Variants in ZZEF1 observed in about 807,000 individuals in gnomAD.
The protein encoded by ZZEF1 is zinc finger ZZ-type and EF-hand domain containing 1.
In ZZEF1, 157 loss-of-function variants were observed where a neutral mutation model predicts 342.8. That is an observed-to-expected ratio of 0.46 (90% CI 0.40 to 0.52). The LOEUF (loss-of-function observed/expected upper bound fraction) is 0.52, where lower values mean the gene tolerates loss of function less well. ZZEF1 is among the 20% of genes least tolerant of loss of function. The pLI is 0.00. For missense variants in ZZEF1, 3,480 were observed against 3,725.6 expected (o/e 0.93, Z 1.72); for synonymous variants, 1,505 against 1,429.1 (o/e 1.05, Z -1.20).
In ZZEF1 at chr17:4,121,324, C is replaced by A. The variant is rs548391151; in HGVS notation, c.499+2583G>T. ...TAGTATGTAAACGCTAAGATAAAAG[C>A]TAGCTAAAGATAATTCAGGCCGGGT... is the stretch of plus-strand genomic sequence containing the variant. On this transcript the variant is annotated intron_variant, in intron 2 of 54. Transcript: ENST00000381638. 3.9e-5 allele frequency among the ~76,000 whole-genome samples: 6 copies of A among 152,286 alleles called. No individual in the cohort carries two copies. The East Asian group carries it at 1.2e-3, about 29-fold the overall frequency.
chr17:4,124,834 A>C (rs905257098), intron 1 of ZZEF1, among the ~76,000 whole-genome samples: 1 of 151,966 alleles, frequency 6.6e-6, no homozygotes, highest in Non-Finnish European at 1.5e-5. Context: ...ACTAACCTTT[A>C]ATTGTAATCT....
chr17:4,023,770 T>C (rs1176266679), intron 43 of ZZEF1, among the ~76,000 whole-genome samples: 2 of 152,036 alleles, frequency 1.3e-5, no homozygotes, highest in Non-Finnish European at 2.9e-5. Flanking sequence ...CATTTGAGGC[T>C]GCAGTGAGCC....
At chr17:4,010,864 G>A (rs183886415) in intron 52 of ZZEF1, among the ~76,000 whole-genome samples, 4 of 152,098 alleles carry the variant, frequency 2.6e-5, no homozygotes. Flanking sequence ...AACAAAAGAT[G>A]CCACCAGCAG....
intron 49 of ZZEF1, among the ~76,000 whole-genome samples, chr17:4,015,905 TG>T (rs2056087790): frequency 6.6e-6 from 1 of 152,180 alleles, no homozygotes; most frequent in African/African-American, 2.4e-5. Flanking sequence ...GATTCAGTTC[TG>T]GGAAATTTTA....
chr17:4,007,514 G>C (rs181498849), intron 54 of ZZEF1, among the ~76,000 whole-genome samples: 11 of 152,310 alleles, frequency 7.2e-5, no homozygotes, highest in East Asian at 1.9e-4. Flanking sequence ...GCTGTGGGGG[G>C]GGTCAGAAGA....
At chr17:4,083,143 C>G (rs2057755204) in intron 16 of ZZEF1, among the ~76,000 whole-genome samples, 3 of 152,162 alleles carry the variant, frequency 2.0e-5, no homozygotes, top group African/African-American at 7.2e-5. Context: ...GGTATGGTAT[C>G]CGAAGATACT....
intron 44 of ZZEF1, 163 bp downstream of exon 44, chr17:4,022,546 A>C: frequency 1.1e-6 from 1 of 923,948 alleles, no homozygotes. Flanking sequence ...CAGGTGTCAT[A>C]ATCCCTATTT....
intron 19 of ZZEF1, 135 bp from the exon 20 acceptor site, chr17:4,077,124 G>A (rs917699054): frequency 1.3e-6 from 1 of 783,118 alleles, no homozygotes; most frequent in Non-Finnish European, 1.8e-6. Context: ...AGGCCAGCAA[G>A]TGCCGTCCTA....
chr17:4,022,597 A>G, intron 44 of ZZEF1, 112 bp downstream of exon 44: 1 of 1,499,640 alleles, frequency 6.7e-7, no homozygotes, highest in Non-Finnish European at 9.2e-7. Context: ...TCAACACTGT[A>G]CTAAAGGAGT....
chr17:4,098,975 T>C lies in ZZEF1; in HGVS notation c.1673-2275A>G, dbSNP rs531062479. Among the ~76,000 whole-genome samples, 4 of 152,346 alleles carry C rather than the reference T, an allele frequency of 2.6e-5. No individual in the cohort carries two copies. In the South Asian group the frequency reaches 8.3e-4, roughly 32 times the overall value. The stretch of plus-strand genomic sequence containing the variant: ...TGGATGTCTCTATGTAAAAGAAATC[T>C]ATGTAAAGGCTAAACTATTGTCTAA... On this transcript the variant is annotated intron_variant, in intron 9 of 54. Transcript: ENST00000381638.
intron 1 of ZZEF1, among the ~76,000 whole-genome samples, chr17:4,125,880 C>T (rs114990165): frequency 0.013 from 2,015 of 152,172 alleles, 51 homozygotes; most frequent in African/African-American, 0.047. Context: ...GGATAGAAGA[C>T]AGAGGGAAAT....
At chr17:4,009,137 C>T (rs186719143) in intron 53 of ZZEF1, 183 bp from the exon 54 acceptor site, 27 of 724,258 alleles carry the variant, frequency 3.7e-5, no homozygotes, top group Admixed American at 5.8e-5. Flanking sequence ...TGCCCGGTGC[C>T]GGGGTCACCT....
chr17:4,016,730 G>T lies in ZZEF1; in HGVS notation c.8002-264C>A. 2.6e-6 allele frequency: 1 copy of T among 380,514 alleles called. No individual in the cohort carries two copies. The highest frequency in any genetic ancestry group is 4.7e-6 in the Non-Finnish European group (1 of 212,148). 23.6% of individuals were successfully genotyped at this position (380,514 alleles called of 1,614,324 possible). ...AGAACTAACTGAACCAATCATAAAG[G>T]GTCCTGGTCCTTGAAGGAGTCCCCA... On this transcript the variant is annotated intron_variant, in intron 48 of 54. Transcript: ENST00000381638. This position sits in a 1 kb window ranked among gnomAD's most constrained non-coding sequence, Gnocchi z 4.4.
chr17:4,051,239 C>G (rs1049627513), intron 35 of ZZEF1, among the ~76,000 whole-genome samples, 196 bp from the exon 36 acceptor site: 1 of 152,124 alleles, frequency 6.6e-6, no homozygotes, highest in Non-Finnish European at 1.5e-5. Context: ...CAGAACATGC[C>G]TTTCAGGGTT....
rs542101707 is a variant in ZZEF1 at position 4,037,568 on chromosome 17, G to A, written c.6307-3276C>T. On this transcript the variant is annotated intron_variant, in intron 39 of 54. Transcript: ENST00000381638. ...AAGACATGACAACAAACTGCTACAC[G>A]TTCATTCTTTTTCTTTTTCTTTTCT... Among the ~76,000 whole-genome samples the A allele has an allele frequency of 8.5e-5, 13 of 152,258 alleles. No homozygotes were observed. In the East Asian group the frequency reaches 2.1e-3, roughly 25 times the overall value.
intron 1 of ZZEF1, among the ~76,000 whole-genome samples, chr17:4,132,967 A>G (rs1326634023): frequency 2.5e-5 from 3 of 120,162 alleles, no homozygotes; most frequent in Admixed American, 7.9e-5. Context: ...CTCCATCTCA[A>G]AAAAAAAAGT....
chr17:4,074,082 G>C (rs2057560960), intron 24 of ZZEF1, 68 bp downstream of exon 24: 2 of 1,565,828 alleles, frequency 1.3e-6, no homozygotes, highest in East Asian at 2.2e-5. Flanking sequence ...CGACCTACAA[G>C]AGGGCAAGCG....
intron 42 of ZZEF1, among the ~76,000 whole-genome samples, chr17:4,029,394 C>T (rs1451831558): frequency 2.0e-5 from 3 of 148,948 alleles, no homozygotes; most frequent in African/African-American, 7.5e-5. Context: ...AAAAAAATCA[C>T]AAGATAAATT....
chr17:4,132,891 G>A (rs1433811756), intron 1 of ZZEF1, among the ~76,000 whole-genome samples: 2 of 152,132 alleles, frequency 1.3e-5, no homozygotes, highest in South Asian at 2.1e-4. Flanking sequence ...GCATGAACCT[G>A]GGAGGTGGAG....
Sources: allele counts gnomAD v4.1 joint callset (sites outside exome capture counted in the v4.1 genomes callset), GRCh38; gene constraint gnomAD v4.1.1; non-coding constraint Gnocchi (gnomAD v3.1); transcripts MANE v1.5; gene names NCBI Gene and HGNC (gene_info 2026-07-23, HGNC 2026-07-21).